The following ARID1B variants were observed in gnomAD, a reference collection of about 807,000 sequenced individuals.
The protein encoded by ARID1B is AT-rich interaction domain 1B, also known as AT-rich interactive domain-containing protein 1B.
Under a neutral mutation model 212.3 loss-of-function variants are expected in ARID1B, and 30 were observed. That is an observed-to-expected ratio of 0.14 (90% CI 0.11 to 0.19). ARID1B has a LOEUF of 0.19. ARID1B is among the 10% of genes least tolerant of loss of function. The probability of loss-of-function intolerance (pLI) is 1.00; values close to 1 mark genes in which losing one functional copy is unlikely to be tolerated. For synonymous variants in ARID1B, 1,402 were observed against 1,301.7 expected, an observed-to-expected ratio of 1.08 and a Z score of -1.66; for missense variants, 2,891 against 3,204.0, an observed-to-expected ratio of 0.90 and a Z score of 2.36.
rs576198237 is a variant in ARID1B, at chr6:156,855,493, T to G, written c.1986+26072T>G. 2.6e-5 allele frequency among the ~76,000 whole-genome samples: 4 copies of G among 152,368 alleles called. No individual in the cohort carries two copies. In the South Asian group the frequency reaches 8.3e-4, roughly 32 times the overall value. Reference sequence around the variant, plus strand: ...TTTCACGTGGCGGCAGACTACACGCTTACCTTTATTTTCAGTTTCTTTTCT... The same window carrying G: ...TTTCACGTGGCGGCAGACTACACGCGTACCTTTATTTTCAGTTTCTTTTCT... On this transcript the variant is annotated intron_variant, in intron 2 of 19. Transcript: ENST00000636930.
rs538070449 is a variant in ARID1B, at chr6:157,069,733, C to G, written c.2248-14929C>G. 5.9e-5 allele frequency among the ~76,000 whole-genome samples: 9 copies of G among 152,304 alleles called. No homozygotes were observed. The South Asian group carries it at 1.9e-3, about 32-fold the overall frequency. On this transcript the variant is annotated intron_variant, in intron 4 of 19. Coordinates refer to ENST00000636930, the MANE Select transcript of ARID1B (RefSeq NM_001374828.1). ...CCTTTTTCCTGTGAAGAATCAGTAT[C>G]AGCTTGACACTAATGATCATGAGTG...
intron 6 of ARID1B, among the ~76,000 whole-genome samples, chr6:157,117,748 A>G (rs908171166): frequency 2.6e-5 from 4 of 152,202 alleles, no homozygotes; most frequent in African/African-American, 7.2e-5. Flanking sequence ...AAAGCTTACA[A>G]TTTTACCAAT....
rs1794116817 is a variant in ARID1B, at chr6:157,201,473, A to G, written c.5248A>G (p.Thr1750Ala). The change falls in exon 18 of 20, where the codon ACC becomes GCC. Residue 1750 changes from threonine (T) to alanine (A), a missense_variant. Around this residue, in one of 7 missense-constraint regions of ARID1B, gnomAD observed 666 missense variants for 873.5 expected, o/e 0.76. Coordinates refer to ENST00000636930, the MANE Select transcript of ARID1B (RefSeq NM_001374828.1). The surrounding 1 kb of genome is among the most constrained non-coding windows in gnomAD (Gnocchi z 5.2). ...AGTCTTGAAACAAAGGCGAAAGATT[A>G]CCTCCAAAGATATCGGTAAGAATTC... Reference protein sequence around the residue: ...QPVLKQRRKITSKDIVTPEAW... With the variant: ...QPVLKQRRKIASKDIVTPEAW... 2.0e-6 allele frequency: 3 copies of G among 1,499,790 alleles called. No homozygotes were observed. Among genetic ancestry groups the G allele is most frequent in the Non-Finnish European group, 2.7e-6 (3 of 1,123,878 alleles). The allele number at this position is 1,499,790 out of a possible 1,614,324, so 92.9% of individuals were successfully genotyped here.
intron 4 of ARID1B, among the ~76,000 whole-genome samples, chr6:157,065,493 A>C (rs1783619463): frequency 6.6e-6 from 1 of 152,250 alleles, no homozygotes; most frequent in African/African-American, 2.4e-5. Flanking sequence ...TTTCAAATAC[A>C]TCAAGCACTG....
chr6:156,911,225 A>C (rs1313834309), intron 3 of ARID1B, among the ~76,000 whole-genome samples: 1 of 152,104 alleles, frequency 6.6e-6, no homozygotes, highest in Non-Finnish European at 1.5e-5. Flanking sequence ...TCTTCCCTCA[A>C]TATACGTGAT....
In ARID1B at chr6:156,972,074, A is replaced by G. The variant is rs1425926506; in HGVS notation, c.2247+36498A>G. Among the ~76,000 whole-genome samples, 3 of 152,346 alleles carry G rather than the reference A, an allele frequency of 2.0e-5. No individual in the cohort carries two copies. The South Asian group carries it at 6.2e-4, about 32-fold the overall frequency. ...GAAGGACATAGGTTTCTTAGTTCAT[A>G]TAGTTCTGTATTTAAACTTTTTAAA... is the stretch of plus-strand genomic sequence containing the variant. On this transcript the variant is annotated intron_variant, in intron 4 of 19. Transcript: ENST00000636930.
intron 4 of ARID1B, chr6:157,072,663 T>C (rs1784064279): frequency 6.6e-6 from 1 of 152,260 alleles, no homozygotes; most frequent in Admixed American, 6.5e-5. Flanking sequence ...TGTTACAATG[T>C]CCAGTTTTCT....
intron 4 of ARID1B, among the ~76,000 whole-genome samples, chr6:156,947,728 G>C: frequency 6.6e-6 from 1 of 151,752 alleles, no homozygotes. Flanking sequence ...AAAGAAAAGA[G>C]CAAAGGTTTT....
chr6:156,927,926 A>G (rs983523698), intron 3 of ARID1B, among the ~76,000 whole-genome samples: 10 of 152,176 alleles, frequency 6.6e-5, no homozygotes, highest in Admixed American at 2.6e-4. Flanking sequence ...ATGGCATTCT[A>G]AGTTCTTTAA....
intron 5 of ARID1B, among the ~76,000 whole-genome samples, chr6:157,092,010 T>C (rs1421742695): frequency 6.6e-6 from 1 of 152,176 alleles, no homozygotes; most frequent in Non-Finnish European, 1.5e-5. Flanking sequence ...GCAAGGAAGA[T>C]GCATGCTGCT....
At position 156,863,009 on chromosome 6, in the gene ARID1B, G is replaced by A. The variant is rs147710705; in HGVS notation, c.1986+33588G>A. Among the ~76,000 whole-genome samples the A allele has an allele frequency of 9.3e-4, 142 of 152,346 alleles. 3 individuals carry two copies. In the East Asian group the frequency reaches 0.022, roughly 24 times the overall value. On this transcript the variant is annotated intron_variant, in intron 2 of 19. Transcript: ENST00000636930. Reference sequence around the variant, plus strand: ...ATATGGGCCTGCGCCTTAGTTGCACGTGAGATGATCCTGGAGACAGTGCCG... The same window carrying A: ...ATATGGGCCTGCGCCTTAGTTGCACATGAGATGATCCTGGAGACAGTGCCG...
chr6:157,056,351 G>A (rs906331651), intron 4 of ARID1B, among the ~76,000 whole-genome samples: 1 of 152,108 alleles, frequency 6.6e-6, no homozygotes, highest in Non-Finnish European at 1.5e-5. Context: ...AATGAGAGTG[G>A]GATATTATGG....
At chr6:157,052,883 C>T (rs1436863770) in intron 4 of ARID1B, among the ~76,000 whole-genome samples, 1 of 151,436 alleles carries the variant, frequency 6.6e-6, no homozygotes, top group Non-Finnish European at 1.5e-5. Flanking sequence ...CCATGCCCAA[C>T]TAATTTTTGT....
chr6:156,978,656 G>A (rs1777412016), intron 4 of ARID1B, among the ~76,000 whole-genome samples: 1 of 152,148 alleles, frequency 6.6e-6, no homozygotes, highest in South Asian at 2.1e-4. Context: ...GTTATTTTTA[G>A]TATGTTGTTT....
intron 4 of ARID1B, among the ~76,000 whole-genome samples, chr6:157,051,215 C>T (rs568156664): frequency 4.6e-5 from 7 of 152,238 alleles, no homozygotes; most frequent in South Asian, 2.1e-4. Context: ...ATGAGGGATG[C>T]GCAGAGTGCT....
intron 3 of ARID1B, among the ~76,000 whole-genome samples, chr6:156,917,255 T>C (rs1790433288): frequency 6.6e-6 from 1 of 152,214 alleles, no homozygotes; most frequent in African/African-American, 2.4e-5. Context: ...TTTCGGATTC[T>C]TAAGAGAAAT....
intron 2 of ARID1B, among the ~76,000 whole-genome samples, chr6:156,842,699 T>C (rs1335751074): frequency 6.6e-6 from 1 of 152,214 alleles, no homozygotes; most frequent in African/African-American, 2.4e-5. Context: ...CCATTTTCCA[T>C]AGTGGCTGTA....
chr6:156,870,517 T>C (rs1014156586), intron 2 of ARID1B: 2 of 152,226 alleles, frequency 1.3e-5, no homozygotes, highest in East Asian at 3.8e-4. Context: ...GAACAAATTA[T>C]TTAGGTTAAA....
rs1419447372 is a variant in ARID1B at position 157,201,521 on chromosome 6, A to G, written c.5263+33A>G. The G allele has an allele frequency of 6.7e-7, 1 of 1,491,150 alleles. No homozygotes were observed. Among genetic ancestry groups the G allele is most frequent in the East Asian group, 2.3e-5 (1 of 42,956 alleles). 92.4% of individuals were successfully genotyped at this position (1,491,150 alleles called of 1,614,324 possible). On this transcript the variant is annotated intron_variant, in intron 18 of 19. Coordinates refer to ENST00000636930, the MANE Select transcript of ARID1B (RefSeq NM_001374828.1). This position sits in a 1 kb window ranked among gnomAD's most constrained non-coding sequence, Gnocchi z 5.2. ...TTCCAAAGCTTTCATTCTGAAATGAATTCCAGTTGCAGTGTAGAATTTTAA... is the reference window on the plus strand; with the variant it reads ...TTCCAAAGCTTTCATTCTGAAATGAGTTCCAGTTGCAGTGTAGAATTTTAA...
Sources: gnomAD v4.1 joint callset for allele counts (sites outside exome capture counted in the v4.1 genomes callset) on GRCh38, gnomAD v4.1.1 for gene constraint, gnomAD v4.1.1 regional missense constraint, Gnocchi (gnomAD v3.1) non-coding constraint, MANE v1.5 for transcripts, NCBI Gene and HGNC (gene_info 2026-07-23, HGNC 2026-07-21) for gene names.